Variants in JADE1 observed in about 807,000 individuals in gnomAD.
The protein encoded by JADE1 is jade family PHD finger 1.
Under a neutral mutation model 81.8 loss-of-function variants are expected in JADE1, and 14 were observed. That is an observed-to-expected ratio of 0.17 (90% CI 0.11 to 0.27). The LOEUF (loss-of-function observed/expected upper bound fraction) is 0.27. Among genes scored for constraint, JADE1 ranks in the 10% least tolerant of loss-of-function variants. The pLI is 1.00. For missense variants in JADE1, 690 were observed against 1,047.9 expected, an observed-to-expected ratio of 0.66 and a Z score of 4.71; for synonymous variants, 353 against 391.9, an observed-to-expected ratio of 0.90 and a Z score of 1.17.
At chr4:128,851,263 G>GT (rs1730331499) in intron 5 of JADE1, among the ~76,000 whole-genome samples, 1 of 152,208 alleles carries the variant, frequency 6.6e-6, no homozygotes. Context: ...TTTCAACCTT[G>GT]TAGAAGTAAG....
At chr4:128,826,688 A>G (rs1055487303) in intron 1 of JADE1, among the ~76,000 whole-genome samples, 2 of 152,042 alleles carry the variant, frequency 1.3e-5, no homozygotes, top group African/African-American at 4.8e-5. Context: ...GGCATGAGCC[A>G]CTGCACCTGG....
chr4:128,836,544 T>C (rs976662963), intron 2 of JADE1, among the ~76,000 whole-genome samples: 12 of 151,940 alleles, frequency 7.9e-5, no homozygotes, highest in African/African-American at 2.9e-4. Flanking sequence ...AGAGAGAAAA[T>C]TCTCACGTAA....
Position 128,871,530 on chromosome 4 carries a change from T to G in JADE1, c.1797T>G (p.Pro599=), listed in dbSNP as rs773557350. 3 of 1,614,158 alleles carry G rather than the reference T, an allele frequency of 1.9e-6. No individual in the cohort carries two copies. The highest frequency in any genetic ancestry group is 4.5e-5 in the East Asian group (2 of 44,872). ...HSLKKPHKRD[P]LQNSPGSEGK... Reference sequence around the variant, plus strand: ...TGAAAAAGCCCCATAAGCGAGATCCTTTGCAGAATAGCCCTGGAAGTGAAG... The same window carrying G: ...TGAAAAAGCCCCATAAGCGAGATCCGTTGCAGAATAGCCCTGGAAGTGAAG... Residue 599 remains proline, a synonymous_variant, in exon 11 of 11, where the codon CCT becomes CCG. Coordinates refer to ENST00000226319, the MANE Select transcript of JADE1 (RefSeq NM_199320.4). This position sits in a 1 kb window ranked among gnomAD's most constrained non-coding sequence, Gnocchi z 4.1.
intron 2 of JADE1, among the ~76,000 whole-genome samples, chr4:128,834,049 T>C (rs1255052490): frequency 1.3e-5 from 2 of 152,232 alleles, no homozygotes; most frequent in Non-Finnish European, 2.9e-5. Flanking sequence ...ATGTGGCTAG[T>C]GTCCACTGTG....
intron 3 of JADE1, among the ~76,000 whole-genome samples, chr4:128,843,439 G>A (rs898510378): frequency 3.3e-5 from 5 of 152,194 alleles, no homozygotes; most frequent in African/African-American, 1.2e-4. Flanking sequence ...TTAGCCATGG[G>A]TTTGTGGCTT....
intron 1 of JADE1, among the ~76,000 whole-genome samples, chr4:128,813,292 C>T (rs1201143855): frequency 6.6e-6 from 1 of 151,854 alleles, no homozygotes; most frequent in African/African-American, 2.4e-5. Flanking sequence ...GGGCAACATA[C>T]GTGGGGGGAG....
At chr4:128,859,459 GTGAGTATGCACA>G (rs879642517) in intron 8 of JADE1, among the ~76,000 whole-genome samples, 1 of 152,084 alleles carries the variant, frequency 6.6e-6, no homozygotes, top group African/African-American at 2.4e-5. Context: ...GCGTGAGTGC[GTGAGTATGCACA>G]TGAGTATGCA....
chr4:128,830,420 G>A (rs1010364251), intron 1 of JADE1, among the ~76,000 whole-genome samples: 4 of 151,984 alleles, frequency 2.6e-5, no homozygotes, highest in African/African-American at 9.7e-5. Flanking sequence ...TTTTAGTAGA[G>A]ACGGAGTTTC....
intron 2 of JADE1, among the ~76,000 whole-genome samples, chr4:128,839,427 G>A (rs1430764796): frequency 6.6e-6 from 1 of 152,152 alleles, no homozygotes; most frequent in Non-Finnish European, 1.5e-5. Flanking sequence ...AGTGATAAAT[G>A]TTTAATAGCT....
chr4:128,857,284 T>G, intron 7 of JADE1, 54 bp from the exon 8 acceptor site: 4 of 1,296,516 alleles, frequency 3.1e-6, no homozygotes, highest in Non-Finnish European at 3.4e-6. Context: ...CTGACATTCA[T>G]GTTCAGCCTT....
intron 1 of JADE1, among the ~76,000 whole-genome samples, chr4:128,811,041 C>T (rs1379917293): frequency 6.6e-6 from 1 of 152,194 alleles, no homozygotes; most frequent in Admixed American, 6.5e-5. Context: ...CCCTTCAGTG[C>T]ACGTGTCTTG....
chr4:128,831,693 A>G (rs1728569399), intron 1 of JADE1, 40 bp from the exon 2 acceptor site: 3 of 1,568,164 alleles, frequency 1.9e-6, no homozygotes, highest in African/African-American at 1.4e-5. Flanking sequence ...ATGATTGTGT[A>G]TTATCATCTT....
At chr4:128,833,667 C>T (rs1259297129) in intron 2 of JADE1, among the ~76,000 whole-genome samples, 1 of 152,208 alleles carries the variant, frequency 6.6e-6, no homozygotes, top group Non-Finnish European at 1.5e-5. Flanking sequence ...TGTACTCCAG[C>T]CTGGCGACAG....
intron 5 of JADE1, 130 bp downstream of exon 5, chr4:128,849,297 A>G: frequency 1.4e-6 from 1 of 727,910 alleles, no homozygotes; most frequent in Non-Finnish European, 2.2e-6. Context: ...AGTCAGTGAG[A>G]ATCGCAGCCC....
intron 1 of JADE1, among the ~76,000 whole-genome samples, chr4:128,826,651 T>A (rs888214554): frequency 4.0e-5 from 6 of 151,858 alleles, no homozygotes; most frequent in Admixed American, 1.3e-4. Flanking sequence ...TATGCCTGCC[T>A]CGGCCTCCCA....
At chr4:128,838,117 C>T (rs1001601890) in intron 2 of JADE1, among the ~76,000 whole-genome samples, 3 of 152,086 alleles carry the variant, frequency 2.0e-5, no homozygotes, top group East Asian at 1.9e-4. Context: ...CCTGAAGGAA[C>T]GTTGTGCCCG....
At chr4:128,845,437 T>G (rs1452019795) in intron 3 of JADE1, among the ~76,000 whole-genome samples, 1 of 152,172 alleles carries the variant, frequency 6.6e-6, no homozygotes, top group Admixed American at 6.5e-5. Flanking sequence ...TCTTCCCAGG[T>G]AGAAGTTTTG....
intron 9 of JADE1, chr4:128,864,379 C>T: frequency 2.2e-6 from 2 of 895,492 alleles, no homozygotes; most frequent in Non-Finnish European, 2.7e-6. Context: ...CTCCTGACCT[C>T]AAGTGATCTA....
At chr4:128,839,213 T>G (rs780705302) in intron 2 of JADE1, among the ~76,000 whole-genome samples, 2 of 152,222 alleles carry the variant, frequency 1.3e-5, no homozygotes, top group Non-Finnish European at 2.9e-5. Flanking sequence ...ATAGATTAAC[T>G]TTTTGGTACA....
Sources: allele counts gnomAD v4.1 joint callset (sites outside exome capture counted in the v4.1 genomes callset), GRCh38; gene constraint gnomAD v4.1.1; non-coding constraint Gnocchi (gnomAD v3.1); transcripts MANE v1.5; gene names NCBI Gene and HGNC (gene_info 2026-07-23, HGNC 2026-07-21).